The following CFAP100 variants were observed in gnomAD, a reference collection of about 807,000 sequenced individuals.
CFAP100 encodes the protein cilia- and flagella-associated protein 100.
CFAP100 carries 70 observed loss-of-function variants against 81.5 expected under a neutral mutation model. That is an observed-to-expected ratio of 0.86 (90% CI 0.71 to 1.05). The LOEUF is 1.05. Ranked by LOEUF, CFAP100 falls within the 50% of genes least tolerant of loss-of-function variation. The pLI, the probability that CFAP100 is intolerant of heterozygous loss-of-function variation, is 0.00. For synonymous variants in CFAP100, 341 were observed against 314.8 expected (o/e 1.08, Z -0.88); for missense variants, 811 against 776.5 (o/e 1.04, Z -0.53).
Position 126,420,203 on chromosome 3 carries a change from C to G in CFAP100, c.1056C>G (p.Ser352Arg), listed in dbSNP as rs368926593. Residue 352 changes from serine to arginine, a missense_variant, in exon 11 of 17, where the codon AGC becomes AGG. Transcript: ENST00000352312. ...LSSPQQGSQP[S>R]ESSGGDSRGS... Reference sequence around the variant, plus strand: ...GCCCCCAGCAAGGCAGCCAGCCCAGCGAGTCCAGCGGTGGCGACTCCAGAG... The same window carrying G: ...GCCCCCAGCAAGGCAGCCAGCCCAGGGAGTCCAGCGGTGGCGACTCCAGAG... 2 of 1,612,490 alleles carry G rather than the reference C, an allele frequency of 1.2e-6. No homozygotes were observed. Among genetic ancestry groups the G allele is most frequent in the African/African-American group, 2.7e-5 (2 of 74,932 alleles).
chr3:126,422,324 G>A (rs1200497397), intron 11 of CFAP100, among the ~76,000 whole-genome samples: 3 of 152,220 alleles, frequency 2.0e-5, no homozygotes, highest in South Asian at 2.1e-4. Context: ...TGGGTCTGGC[G>A]AGTGCTGTAG....
intron 2 of CFAP100, among the ~76,000 whole-genome samples, chr3:126,397,475 A>T (rs964532787): frequency 2.0e-5 from 3 of 152,272 alleles, no homozygotes; most frequent in African/African-American, 7.2e-5. Flanking sequence ...AATGCAGATA[A>T]TTATGCTACC....
At chr3:126,429,969 C>T (rs1206085616) in intron 13 of CFAP100, among the ~76,000 whole-genome samples, 10 of 152,110 alleles carry the variant, frequency 6.6e-5, no homozygotes, top group Admixed American at 6.6e-4. Context: ...TCTTTCAGTA[C>T]TTTAAATATA....
chr3:126,422,490 C>G (rs544526261), intron 11 of CFAP100, among the ~76,000 whole-genome samples: 6 of 63,884 alleles, frequency 9.4e-5, no homozygotes, highest in South Asian at 3.9e-4. Flanking sequence ...CCAGCGCAGC[C>G]CCCCCCACCT....
At chr3:126,402,444 CAGGA>C (rs1256946256) in intron 2 of CFAP100, among the ~76,000 whole-genome samples, 2 of 152,156 alleles carry the variant, frequency 1.3e-5, no homozygotes, top group African/African-American at 4.8e-5. Context: ...TGTGGAATCA[CAGGA>C]AGGAACGGTG....
intron 3 of CFAP100, among the ~76,000 whole-genome samples, chr3:126,409,246 A>G (rs2083117391): frequency 6.6e-6 from 1 of 152,108 alleles, no homozygotes; most frequent in African/African-American, 2.4e-5. Flanking sequence ...CCTCCTGTAA[A>G]TGGAATCGCA....
At chr3:126,436,042 G>A (rs1444299267) in intron 16 of CFAP100, among the ~76,000 whole-genome samples, 1 of 152,186 alleles carries the variant, frequency 6.6e-6, no homozygotes, top group Admixed American at 6.5e-5. Flanking sequence ...TCTGACCCTG[G>A]CAACAGGAAG....
chr3:126,423,778 C>A, intron 13 of CFAP100, 134 bp downstream of exon 13: 1 of 1,136,082 alleles, frequency 8.8e-7, no homozygotes, highest in Non-Finnish European at 1.3e-6. Context: ...GTCTGAAAAG[C>A]TCCGAGCGAA....
rs1560073720 is a variant in CFAP100, at chr3:126,418,928, C to T, written c.651-148C>T. ...CGGGAGCCAAGGGCAGGGGACACTA[C>T]GGGCAAAAGGCTTAACTGTGTGGCT... On this transcript the variant is annotated intron_variant, in intron 7 of 16. Coordinates refer to ENST00000352312, the MANE Select transcript of CFAP100 (RefSeq NM_182628.3). The T allele has an allele frequency of 7.5e-6, 8 of 1,060,242 alleles. No homozygotes were observed. The East Asian group carries it at 1.0e-4, about 14-fold the overall frequency. The allele number at this position is 1,060,242 out of a possible 1,614,324, so 65.7% of individuals were successfully genotyped here. A position where few individuals can be genotyped will look rare whatever the true frequency, so the allele number is the denominator to read the frequency against.
chr3:126,395,710 C>T (rs550723027), intron 1 of CFAP100, among the ~76,000 whole-genome samples: 7 of 152,176 alleles, frequency 4.6e-5, no homozygotes, highest in South Asian at 4.1e-4. Flanking sequence ...CCGAGGAGGC[C>T]GAAAATGCAA....
At position 126,396,171 on chromosome 3, in the gene CFAP100, A is replaced by G. The variant is rs1287158173; in HGVS notation, c.49+122A>G. ...CTAGGCAGGAGTCATAGATCTGCCT[A>G]CTTCCCTTGAAACAAGGCATATGGA... On this transcript the variant is annotated intron_variant, in intron 2 of 16. Coordinates refer to ENST00000352312, the MANE Select transcript of CFAP100 (RefSeq NM_182628.3). The G allele has an allele frequency of 2.1e-5, 16 of 750,816 alleles. No homozygotes were observed. The East Asian group carries it at 4.0e-4, about 19-fold the overall frequency. The allele number at this position is 750,816 out of a possible 1,614,324, so 46.5% of individuals were successfully genotyped here.
At chr3:126,404,563 GC>G (rs2083034207) in intron 2 of CFAP100, among the ~76,000 whole-genome samples, 2 of 152,356 alleles carry the variant, frequency 1.3e-5, no homozygotes, top group South Asian at 4.1e-4. Flanking sequence ...GGTGCCATCT[GC>G]TCTGAATTAG....
Position 126,419,163 on chromosome 3 carries a change from T to C in CFAP100, c.731+7T>C. ...AGATTGTTAATATCAAAAGGTGAGGTCAGAGGGCATGCTGGCCATTGGCTG... is the reference window on the plus strand; with the variant it reads ...AGATTGTTAATATCAAAAGGTGAGGCCAGAGGGCATGCTGGCCATTGGCTG... On this transcript the variant is annotated splice_region_variant and intron_variant, in intron 8 of 16. Coordinates refer to ENST00000352312, the MANE Select transcript of CFAP100 (RefSeq NM_182628.3). 1 of 1,534,800 alleles carries C rather than the reference T, an allele frequency of 6.5e-7. No individual in the cohort carries two copies. Among genetic ancestry groups the C allele is most frequent in the South Asian group, 1.3e-5 (1 of 79,542 alleles).
chr3:126,414,308 G>T, intron 4 of CFAP100, 129 bp downstream of exon 4: 1 of 776,950 alleles, frequency 1.3e-6, no homozygotes, highest in South Asian at 1.3e-5. Context: ...ATAGTCAATA[G>T]CTCACCACTT....
chr3:126,434,064 G>A (rs542833618), intron 14 of CFAP100, 112 bp from the exon 15 acceptor site: 13 of 860,412 alleles, frequency 1.5e-5, no homozygotes, highest in African/African-American at 1.4e-4. Context: ...CTCCCACTGT[G>A]TGCCAAGCGG....
At chr3:126,406,263 T>C (rs979384721) in intron 2 of CFAP100, among the ~76,000 whole-genome samples, 97 of 152,224 alleles carry the variant, frequency 6.4e-4, no homozygotes, top group Non-Finnish European at 3.2e-4. Flanking sequence ...TCCTCACTCT[T>C]CCCTCACCCC....
At chr3:126,435,512 C>T (rs1437947905) in intron 15 of CFAP100, 47 bp from the exon 16 acceptor site, 2 of 1,538,388 alleles carry the variant, frequency 1.3e-6, no homozygotes, top group African/African-American at 2.7e-5. Flanking sequence ...GATTACACAA[C>T]ACCTTCCAGG....
rs201044137 is a variant in CFAP100 at position 126,436,276 on chromosome 3, T to C, written c.1723-15T>C. 6.2e-7 allele frequency: 1 copy of C among 1,607,126 alleles called. No individual in the cohort carries two copies. Among genetic ancestry groups the C allele is most frequent in the African/African-American group, 1.3e-5 (1 of 74,918 alleles). ...CACTAGGCAGCAAGGCTCACTGGGCTTGTTTCCCCTGCAGAGAGGCAGGAC... is the reference window on the plus strand; with the variant it reads ...CACTAGGCAGCAAGGCTCACTGGGCCTGTTTCCCCTGCAGAGAGGCAGGAC... On this transcript the variant is annotated splice_polypyrimidine_tract_variant and intron_variant, in intron 16 of 16. Transcript: ENST00000352312.
chr3:126,413,751 C>G (rs2107599539), intron 3 of CFAP100, among the ~76,000 whole-genome samples: 1 of 152,356 alleles, frequency 6.6e-6, no homozygotes, highest in East Asian at 1.9e-4. Flanking sequence ...CACTAACAAA[C>G]AGCAGGCTCG....
Sources: allele counts gnomAD v4.1 joint callset (sites outside exome capture counted in the v4.1 genomes callset), GRCh38; gene constraint gnomAD v4.1.1; transcripts MANE v1.5; gene names NCBI Gene and HGNC (gene_info 2026-07-23, HGNC 2026-07-21).